TMC1: variants seen among roughly 807,000 people sequenced by gnomAD.
TMC1 encodes transmembrane channel-like protein 1.
A neutral mutation model predicts 105.8 loss-of-function variants in TMC1; 84 were observed. The observed-to-expected ratio is 0.79, with a 90% CI of 0.67 to 0.95. TMC1 has a LOEUF of 0.95. TMC1 is among the 40% of genes least tolerant of loss of function. The probability of loss-of-function intolerance (pLI) is 0.00; values close to 1 mark genes in which losing one functional copy is unlikely to be tolerated. For missense variants in TMC1, 817 were observed against 914.1 expected (o/e 0.89, Z 1.37); for synonymous variants, 315 against 311.5 (o/e 1.01, Z -0.12).
At chr9:72,732,844 C>T (rs1827236459) in intron 8 of TMC1, among the ~76,000 whole-genome samples, 1 of 152,164 alleles carries the variant, frequency 6.6e-6, no homozygotes, top group Non-Finnish European at 1.5e-5. Context: ...TGGTTCCCAC[C>T]TTTCAAGATT....
At chr9:72,658,693 C>A (rs1322411877) in intron 5 of TMC1, among the ~76,000 whole-genome samples, 3 of 152,172 alleles carry the variant, frequency 2.0e-5, no homozygotes, top group Non-Finnish European at 4.4e-5. Flanking sequence ...CAAGTACATG[C>A]AATAAAAAGT....
rs1320371112 is a variant in TMC1, at chr9:72,721,490, A to G, written c.363-18629A>G. ...TTCACCTGCGTGATGTTCATGTATT[A>G]ATAGACTTGTTTGTTTTTCTCTTGT... On this transcript the variant is annotated intron_variant, in intron 8 of 23. Coordinates refer to ENST00000297784, the MANE Select transcript of TMC1 (RefSeq NM_138691.3). 3.9e-5 allele frequency among the ~76,000 whole-genome samples: 6 copies of G among 152,218 alleles called. No individual in the cohort carries two copies. In the East Asian group the frequency reaches 1.2e-3, roughly 29 times the overall value.
chr9:72,662,480 A>G (rs1287699288), intron 5 of TMC1, among the ~76,000 whole-genome samples: 16 of 151,788 alleles, frequency 1.1e-4, no homozygotes, highest in Admixed American at 1.1e-3. Context: ...TACAGGTGTG[A>G]GCCACTGTGC....
chr9:72,663,344 A>G (rs993031135), intron 5 of TMC1, among the ~76,000 whole-genome samples: 3 of 152,156 alleles, frequency 2.0e-5, no homozygotes, highest in East Asian at 1.9e-4. Flanking sequence ...CAAAAGACCA[A>G]TCTTAGGTTC....
At chr9:72,765,901 A>G (rs1468272427) in intron 12 of TMC1, among the ~76,000 whole-genome samples, 2 of 152,184 alleles carry the variant, frequency 1.3e-5, no homozygotes, top group African/African-American at 2.4e-5. Context: ...GGCAAATGGA[A>G]GTACTTTCTA....
intron 2 of TMC1, among the ~76,000 whole-genome samples, chr9:72,604,988 T>G (rs1266661223): frequency 1.3e-5 from 2 of 152,248 alleles, no homozygotes; most frequent in Non-Finnish European, 2.9e-5. Flanking sequence ...AGATGATTTT[T>G]AAGGTATGTA....
intron 23 of TMC1, among the ~76,000 whole-genome samples, chr9:72,834,636 C>A (rs1182733934): frequency 6.6e-6 from 1 of 152,134 alleles, no homozygotes; most frequent in Non-Finnish European, 1.5e-5. Flanking sequence ...CAGCTTTCAA[C>A]CTACAAATGC....
intron 4 of TMC1, among the ~76,000 whole-genome samples, chr9:72,638,388 C>T (rs899918553): frequency 4.6e-5 from 7 of 152,096 alleles, no homozygotes; most frequent in Admixed American, 3.3e-4. Context: ...TCCAATTCAT[C>T]GGCTGGATTT....
At position 72,596,076 on chromosome 9, in the gene TMC1, C is replaced by A. The variant is rs185764887; in HGVS notation, c.-306+18053C>A. 4.5e-3 allele frequency among the ~76,000 whole-genome samples: 683 copies of A among 152,114 alleles called. 6 individuals carry two copies. The highest frequency in any genetic ancestry group is 0.016 in the African/African-American group (655 of 41,518). On this transcript the variant is annotated intron_variant, in intron 2 of 23. Transcript: ENST00000297784. ...ATTTTTAGTAAAGACAGGGTTTCAC[C>A]ATATTGACCAGGCTGGTCTTGAACT... is the stretch of plus-strand genomic sequence containing the variant.
At chr9:72,665,256 G>A (rs1796999) in intron 5 of TMC1, among the ~76,000 whole-genome samples, 34,459 of 152,116 alleles carry the variant, frequency 0.23, 4,164 homozygotes, top group East Asian at 0.38. Context: ...TGAATAATGA[G>A]TGGTGTGAAC....
intron 2 of TMC1, among the ~76,000 whole-genome samples, chr9:72,606,472 T>A (rs1357738751): frequency 6.6e-6 from 1 of 152,038 alleles, no homozygotes; most frequent in East Asian, 1.9e-4. Context: ...GGAACTGGGG[T>A]CATTGGTGGT....
At chr9:72,751,116 C>A (rs963512173) in intron 10 of TMC1, among the ~76,000 whole-genome samples, 3 of 152,184 alleles carry the variant, frequency 2.0e-5, no homozygotes, top group African/African-American at 7.2e-5. Flanking sequence ...ACATCTATAG[C>A]TAATGTCTAT....
At chr9:72,569,057 C>T (rs1448960546) in intron 1 of TMC1, among the ~76,000 whole-genome samples, 1 of 152,070 alleles carries the variant, frequency 6.6e-6, no homozygotes, top group Non-Finnish European at 1.5e-5. Flanking sequence ...CCCTTGGTAT[C>T]TGTTGGGGAC....
At chr9:72,588,050 A>G (rs1166068986) in intron 2 of TMC1, among the ~76,000 whole-genome samples, 4 of 152,030 alleles carry the variant, frequency 2.6e-5, no homozygotes, top group African/African-American at 9.7e-5. Context: ...CAGCCTTCCA[A>G]AGTGCTGGGA....
chr9:72,572,716 T>C (rs1824309276), intron 1 of TMC1, among the ~76,000 whole-genome samples: 1 of 152,178 alleles, frequency 6.6e-6, no homozygotes, highest in South Asian at 2.1e-4. Context: ...GGCCAGGCCA[T>C]GGTGGTTCAT....
chr9:72,656,155 G>A (rs1825881499), intron 5 of TMC1: 3 of 609,412 alleles, frequency 4.9e-6, no homozygotes, highest in Non-Finnish European at 9.3e-6. Flanking sequence ...TGCCATCTTC[G>A]GCTCCGTGGG....
rs1246104736 is a variant in TMC1 at position 72,789,167 on chromosome 9, C to T, written c.1074C>T (p.Val358=). The change falls in exon 15 of 24, where the codon GTC becomes GTT. Residue 358 remains valine, a synonymous_variant. Transcript: ENST00000297784. ...AAGCAGCCCAAGTAGAAGAAAACGT[C>T]CACTTGATCAGATTCCTGAGGTTTC... The part of the protein sequence containing the change: ...EEKAAQVEEN[V]HLIRFLRFLA... 3.7e-6 allele frequency: 6 copies of T among 1,613,380 alleles called. No individual in the cohort carries two copies. The highest frequency in any genetic ancestry group is 5.1e-6 in the Non-Finnish European group (6 of 1,179,938).
intron 13 of TMC1, among the ~76,000 whole-genome samples, chr9:72,780,810 G>A (rs1435582666): frequency 2.6e-5 from 4 of 152,094 alleles, no homozygotes; most frequent in Non-Finnish European, 4.4e-5. Context: ...GGAACACCCA[G>A]GTTCATAAAA....
intron 12 of TMC1, among the ~76,000 whole-genome samples, chr9:72,757,790 A>G (rs1827696338): frequency 1.3e-5 from 2 of 152,080 alleles, no homozygotes; most frequent in Non-Finnish European, 2.9e-5. Context: ...ATTTTTTTTT[A>G]TTAGGAATGC....
Sources: allele counts gnomAD v4.1 joint callset (sites outside exome capture counted in the v4.1 genomes callset), GRCh38; gene constraint gnomAD v4.1.1; transcripts MANE v1.5; gene names NCBI Gene and HGNC (gene_info 2026-07-23, HGNC 2026-07-21).